RELN: variants seen among roughly 807,000 people sequenced by gnomAD.
RELN encodes the protein reelin.
Under a neutral mutation model 427.6 loss-of-function variants are expected in RELN, and 108 were observed. That is an observed-to-expected ratio of 0.25 (90% CI 0.22 to 0.30). The LOEUF is 0.30. Among genes scored for constraint, RELN ranks in the 10% least tolerant of loss-of-function variants. The probability of loss-of-function intolerance (pLI) is 1.00; values close to 1 mark genes in which losing one functional copy is unlikely to be tolerated. For missense variants in RELN, 3,715 were observed against 4,302.8 expected (o/e 0.86, Z 3.82); for synonymous variants, 1,524 against 1,513.4 (o/e 1.01, Z -0.16).
intron 10 of RELN, among the ~76,000 whole-genome samples, chr7:103,689,177 T>A (rs775988476): frequency 3.9e-5 from 6 of 152,110 alleles, no homozygotes; most frequent in Non-Finnish European, 7.4e-5. Context: ...CTGATTTACT[T>A]CTTAAAACAA....
chr7:103,534,118 T>A lies in RELN; in HGVS notation c.7349+1198A>T, dbSNP rs540845747. On this transcript the variant is annotated intron_variant, in intron 46 of 64. Coordinates refer to ENST00000428762, the MANE Select transcript of RELN (RefSeq NM_005045.4). ...GATAATCCTAAGAAAAGTTATGCCC[T>A]AGATGAATGGTTGAATTTTATGGTC... Among the ~76,000 whole-genome samples the A allele has an allele frequency of 1.4e-4, 22 of 152,360 alleles. No homozygotes were observed. In the South Asian group the frequency reaches 2.5e-3, roughly 17 times the overall value.
intron 2 of RELN, among the ~76,000 whole-genome samples, chr7:103,893,016 G>T (rs1794883226): frequency 6.6e-6 from 1 of 152,160 alleles, no homozygotes; most frequent in African/African-American, 2.4e-5. Context: ...TGTAGAAAGG[G>T]TCTTCAAGGG....
intron 6 of RELN, among the ~76,000 whole-genome samples, chr7:103,733,756 C>T (rs1790418846): frequency 1.4e-5 from 2 of 145,332 alleles, no homozygotes; most frequent in Non-Finnish European, 3.0e-5. Context: ...CACATGGACA[C>T]AGGAAGGGGA....
intron 2 of RELN, among the ~76,000 whole-genome samples, chr7:103,906,743 G>A (rs1277185937): frequency 6.6e-6 from 1 of 152,160 alleles, no homozygotes; most frequent in Non-Finnish European, 1.5e-5. Flanking sequence ...AAGGCCAAAA[G>A]GTTAGGGTAA....
intron 6 of RELN, among the ~76,000 whole-genome samples, chr7:103,740,972 G>C (rs924659608): frequency 6.6e-6 from 1 of 152,160 alleles, no homozygotes; most frequent in Admixed American, 6.5e-5. Context: ...CAGGCACTTT[G>C]CTTCTATCTG....
Position 103,651,680 on chromosome 7 carries a change from A to G in RELN, c.1873T>C (p.Ser625Pro). Residue 625 changes from serine (S) to proline (P), a missense_variant, in exon 15 of 65, where the codon TCC becomes CCC. By Grantham distance (74) the Ser-to-Pro change is moderately conservative. Coordinates refer to ENST00000428762, the MANE Select transcript of RELN (RefSeq NM_005045.4). ...GPHLPHSTVY[S>P]SENYSGWNRI... ...ACTCACCCACTGTAGTTTTCAGAGG[A>G]GTAGACAGTGCTGTGGGGGAGGTGG... 1 of 1,611,922 alleles carries G rather than the reference A, an allele frequency of 6.2e-7. No homozygotes were observed. The highest frequency in any genetic ancestry group is 1.1e-5 in the South Asian group (1 of 91,068).
intron 3 of RELN, among the ~76,000 whole-genome samples, chr7:103,811,107 AGTT>A (rs1237660072): frequency 6.6e-6 from 1 of 152,238 alleles, no homozygotes; most frequent in Non-Finnish European, 1.5e-5. Context: ...TTTTAAAAAT[AGTT>A]ATTATTGATT....
intron 58 of RELN, among the ~76,000 whole-genome samples, chr7:103,491,148 CTT>C (rs1828636831): frequency 6.6e-6 from 1 of 152,154 alleles, no homozygotes; most frequent in Non-Finnish European, 1.5e-5. Flanking sequence ...TCTTCTCAAA[CTT>C]AATGTAATTA....
At position 103,561,977 on chromosome 7, in the gene RELN, A is replaced by AC. The variant is rs553177267; in HGVS notation, c.5211-25_5211-24insG. ...AACTAACCAAAAAAAAAAAAAAAAA[A>AC]ACACACCACTGGTTTGACAAGCAAC... On this transcript the variant is annotated intron_variant, in intron 34 of 64. Coordinates refer to ENST00000428762, the MANE Select transcript of RELN (RefSeq NM_005045.4). 95 of 1,532,470 alleles carry AC rather than the reference A, an allele frequency of 6.2e-5. No individual in the cohort carries two copies. In the African/African-American group the frequency reaches 1.1e-3, roughly 17 times the overall value. 94.9% of individuals were successfully genotyped at this position (1,532,470 alleles called of 1,614,324 possible). A position where few individuals can be genotyped will look rare whatever the true frequency, so the allele number is the denominator to read the frequency against.
At position 103,483,733 on chromosome 7, in the gene RELN, G is replaced by C; in HGVS notation, c.10101C>G (p.Asn3367Lys). ...KAVLLQYSVN[N>K]GITWHVIAQH... ...GGGCGATGACATGCCAGGTGATCCC[G>C]TTGTTGACGCTGTATTGCAGCAGCA... Residue 3367 changes from asparagine (N) to lysine (K), a missense_variant, in exon 62 of 65, where the codon AAC becomes AAG. Transcript: ENST00000428762. 1 of 1,614,154 alleles carries C rather than the reference G, an allele frequency of 6.2e-7. No homozygotes were observed. Among genetic ancestry groups the C allele is most frequent in the Non-Finnish European group, 8.5e-7 (1 of 1,179,992 alleles).
chr7:103,712,327 T>TTG (rs1013675137), intron 8 of RELN, among the ~76,000 whole-genome samples: 6 of 152,196 alleles, frequency 3.9e-5, no homozygotes, highest in African/African-American at 1.4e-4. Context: ...TCTTGAGTAG[T>TTG]TGGCATAACA....
chr7:103,724,057 G>C (rs1296223307), intron 7 of RELN, among the ~76,000 whole-genome samples: 1 of 151,998 alleles, frequency 6.6e-6, no homozygotes, highest in Non-Finnish European at 1.5e-5. Context: ...CATTTTGCTG[G>C]GTTCTGAAAT....
chr7:103,767,971 T>C (rs959516563), intron 4 of RELN, among the ~76,000 whole-genome samples: 3 of 152,134 alleles, frequency 2.0e-5, no homozygotes, highest in Non-Finnish European at 4.4e-5. Context: ...CTTGCCACCT[T>C]CTAACATGGT....
intron 41 of RELN, among the ~76,000 whole-genome samples, chr7:103,547,734 A>G (rs1207412863): frequency 1.3e-5 from 2 of 152,366 alleles, no homozygotes; most frequent in Non-Finnish European, 2.9e-5. Flanking sequence ...GCTGAGGGAA[A>G]TGGCTGGAGT....
chr7:103,494,012 A>G (rs1459762163), intron 57 of RELN, among the ~76,000 whole-genome samples: 1 of 152,286 alleles, frequency 6.6e-6, no homozygotes, highest in East Asian at 1.9e-4. Flanking sequence ...AGGAGGCTCC[A>G]ATCAACTCAA....
In RELN at chr7:103,489,737, C is replaced by T; in HGVS notation, c.9763+5G>A. Reference sequence around the variant, plus strand: ...CTATCAAAGTTGGCAGCCTGGGATTCAGACCTTGGAAGCTCTCGTCGCAGA... The same window carrying T: ...CTATCAAAGTTGGCAGCCTGGGATTTAGACCTTGGAAGCTCTCGTCGCAGA... On this transcript the variant is annotated splice_donor_5th_base_variant and intron_variant, in intron 60 of 64. Transcript: ENST00000428762. 1 of 1,613,948 alleles carries T rather than the reference C, an allele frequency of 6.2e-7. No homozygotes were observed. The highest frequency in any genetic ancestry group is 8.5e-7 in the Non-Finnish European group (1 of 1,179,950).
chr7:103,564,898 T>C (rs1367872867), intron 34 of RELN, among the ~76,000 whole-genome samples: 1 of 152,154 alleles, frequency 6.6e-6, no homozygotes, highest in East Asian at 1.9e-4. Flanking sequence ...CAACCTTTTG[T>C]TCATACTGTG....
chr7:103,911,689 T>A (rs1207510850), intron 2 of RELN, among the ~76,000 whole-genome samples: 1 of 145,518 alleles, frequency 6.9e-6, no homozygotes, highest in Non-Finnish European at 1.5e-5. Context: ...AAATGATGAG[T>A]TCATGTCCTT....
At chr7:103,888,473 T>C (rs962201933) in intron 2 of RELN, among the ~76,000 whole-genome samples, 3 of 152,162 alleles carry the variant, frequency 2.0e-5, no homozygotes, top group Non-Finnish European at 4.4e-5. Flanking sequence ...CTTTAGTGTT[T>C]ATATTTCCTC....
Sources: allele counts gnomAD v4.1 joint callset (sites outside exome capture counted in the v4.1 genomes callset), GRCh38; gene constraint gnomAD v4.1.1; transcripts MANE v1.5; gene names NCBI Gene and HGNC (gene_info 2026-07-23, HGNC 2026-07-21).